Variants in GPC6 observed in about 807,000 individuals in gnomAD.
GPC6 encodes the protein glypican-6.
In GPC6, 14 loss-of-function variants were observed where a neutral mutation model predicts 55.2. The ratio of observed to expected loss-of-function variants is 0.25; its 90% CI spans 0.17 to 0.40. The LOEUF (loss-of-function observed/expected upper bound fraction) is 0.40. Among genes scored for constraint, GPC6 ranks in the 10% least tolerant of loss-of-function variants. GPC6 has a pLI of 1.00. For synonymous variants in GPC6, 278 were observed against 259.6 expected, an observed-to-expected ratio of 1.07 and a Z score of -0.68; for missense variants, 641 against 708.5, an observed-to-expected ratio of 0.90 and a Z score of 1.08.
chr13:93,866,537 C>T (rs1352182180), intron 3 of GPC6, among the ~76,000 whole-genome samples: 1 of 151,652 alleles, frequency 6.6e-6, no homozygotes, highest in African/African-American at 2.4e-5. Context: ...ACTGTGCAGC[C>T]ATAAAAAAGA....
At chr13:94,217,582 T>C (rs1890261744) in intron 4 of GPC6, among the ~76,000 whole-genome samples, 1 of 152,178 alleles carries the variant, frequency 6.6e-6, no homozygotes, top group Non-Finnish European at 1.5e-5. Flanking sequence ...CTATTAGTTA[T>C]TCTGTCTCAT....
intron 3 of GPC6, among the ~76,000 whole-genome samples, chr13:93,912,946 T>C (rs1877087126): frequency 6.6e-6 from 1 of 152,142 alleles, no homozygotes; most frequent in Non-Finnish European, 1.5e-5. Context: ...TCACAGAACC[T>C]TCTTTCCCAT....
chr13:93,657,597 A>G (rs925893558), intron 2 of GPC6, among the ~76,000 whole-genome samples: 1 of 152,190 alleles, frequency 6.6e-6, no homozygotes, highest in Non-Finnish European at 1.5e-5. Context: ...AAAATTTGAC[A>G]AGTGGGATCT....
chr13:93,579,388 AAAAT>A (rs1398481561), intron 2 of GPC6, among the ~76,000 whole-genome samples: 1 of 152,094 alleles, frequency 6.6e-6, no homozygotes, highest in Non-Finnish European at 1.5e-5. Context: ...AAAAAATAAT[AAAAT>A]AAATTTTAAA....
intron 1 of GPC6, among the ~76,000 whole-genome samples, chr13:93,316,355 G>T (rs1003866919): frequency 2.0e-5 from 3 of 152,072 alleles, no homozygotes; most frequent in African/African-American, 7.2e-5. Context: ...TCCATTCATG[G>T]TTTGTCTTTC....
At chr13:93,693,457 A>G (rs369774416) in intron 2 of GPC6, among the ~76,000 whole-genome samples, 1 of 89,788 alleles carries the variant, frequency 1.1e-5, no homozygotes, top group South Asian at 3.8e-4. Context: ...GTGTGTATGT[A>G]TATCTGTGTG....
chr13:93,373,586 A>G (rs1371951139), intron 1 of GPC6, among the ~76,000 whole-genome samples: 2 of 152,222 alleles, frequency 1.3e-5, no homozygotes, highest in African/African-American at 4.8e-5. Flanking sequence ...TGGTTTCATT[A>G]TACTTAGATT....
intron 4 of GPC6, among the ~76,000 whole-genome samples, chr13:94,133,983 C>A (rs1461704887): frequency 6.6e-6 from 1 of 152,308 alleles, no homozygotes; most frequent in Non-Finnish European, 1.5e-5. Context: ...GGACATTAAT[C>A]ATCAGTTGAA....
chr13:94,382,592 A>G, intron 7 of GPC6, 42 bp downstream of exon 7: 2 of 1,612,474 alleles, frequency 1.2e-6, no homozygotes, highest in Non-Finnish European at 1.7e-6. Flanking sequence ...GGCACAGCAC[A>G]CCCAGCCTTG....
intron 4 of GPC6, among the ~76,000 whole-genome samples, chr13:94,171,754 TG>T (rs1888576435): frequency 6.6e-6 from 1 of 152,234 alleles, no homozygotes; most frequent in Non-Finnish European, 1.5e-5. Flanking sequence ...TTTCATGGCA[TG>T]TAGCTGCAGA....
At chr13:94,029,232 A>G (rs1442833158) in intron 4 of GPC6, among the ~76,000 whole-genome samples, 2 of 152,208 alleles carry the variant, frequency 1.3e-5, no homozygotes, top group Non-Finnish European at 2.9e-5. Context: ...GGCCAGAGGA[A>G]ATGGTTTTAT....
intron 6 of GPC6, among the ~76,000 whole-genome samples, chr13:94,330,860 G>A (rs565877566): frequency 4.7e-4 from 71 of 151,844 alleles, no homozygotes; most frequent in African/African-American, 1.6e-3. Flanking sequence ...AGATCTAGTG[G>A]GTTTGTTGGG....
At chr13:93,957,331 G>T (rs1014839305) in intron 3 of GPC6, among the ~76,000 whole-genome samples, 1 of 152,088 alleles carries the variant, frequency 6.6e-6, no homozygotes, top group Non-Finnish European at 1.5e-5. Flanking sequence ...TGCAGTTCAT[G>T]AGCGTAGTAT....
chr13:93,804,171 T>A (rs2150124), intron 2 of GPC6, among the ~76,000 whole-genome samples: 56,946 of 151,964 alleles, frequency 0.37, 11,495 homozygotes, highest in African/African-American at 0.52. Flanking sequence ...GGGTTTCTGA[T>A]GGAATTGAAT....
At chr13:93,738,955 ACACACACACACACACACT>A (rs1555328093) in intron 2 of GPC6, among the ~76,000 whole-genome samples, 7 of 137,798 alleles carry the variant, frequency 5.1e-5, no homozygotes, top group Non-Finnish European at 9.3e-5. Context: ...ACACACACAC[ACACACACACACACACACT>A]CACACACATG....
intron 1 of GPC6, among the ~76,000 whole-genome samples, chr13:93,428,088 T>C (rs1230310189): frequency 6.6e-6 from 1 of 152,176 alleles, no homozygotes; most frequent in Non-Finnish European, 1.5e-5. Flanking sequence ...CGTACCATCC[T>C]AGTTTTTGGA....
chr13:94,101,965 T>C (rs935913300), intron 4 of GPC6, among the ~76,000 whole-genome samples: 41 of 152,120 alleles, frequency 2.7e-4, no homozygotes, highest in African/African-American at 9.9e-4. Flanking sequence ...AATGAGACAA[T>C]GGAATGAGCA....
chr13:93,562,909 T>C (rs1193760531), intron 2 of GPC6, among the ~76,000 whole-genome samples: 1 of 152,188 alleles, frequency 6.6e-6, no homozygotes, highest in Non-Finnish European at 1.5e-5. Context: ...TGAGGTCACA[T>C]ATTACAGACA....
At chr13:93,401,001 T>C (rs1241375239) in intron 1 of GPC6, among the ~76,000 whole-genome samples, 2 of 152,144 alleles carry the variant, frequency 1.3e-5, no homozygotes, top group Admixed American at 6.6e-5. Context: ...ATTGAAAGAA[T>C]GCTCTCATAC....
Sources: allele counts gnomAD v4.1 joint callset (sites outside exome capture counted in the v4.1 genomes callset), GRCh38; gene constraint gnomAD v4.1.1; transcripts MANE v1.5; gene names NCBI Gene and HGNC (gene_info 2026-07-23, HGNC 2026-07-21).